Variants in ACSS1 observed in about 807,000 individuals in gnomAD.
ACSS1 encodes acyl-CoA synthetase short chain family member 1.
Under a neutral mutation model 75.3 loss-of-function variants are expected in ACSS1, and 42 were observed. The observed-to-expected ratio is 0.56, with a 90% CI of 0.44 to 0.72. ACSS1 has a LOEUF of 0.72. Ranked by LOEUF, ACSS1 falls within the 30% of genes least tolerant of loss-of-function variation. The pLI, the probability that ACSS1 is intolerant of heterozygous loss-of-function variation, is 0.00. For synonymous variants in ACSS1, 380 were observed against 376.8 expected, an observed-to-expected ratio of 1.01 and a Z score of -0.10; for missense variants, 782 against 935.7, an observed-to-expected ratio of 0.84 and a Z score of 2.14.
intron 2 of ACSS1, chr20:25,046,741 G>A: frequency 1.3e-6 from 1 of 771,098 alleles, no homozygotes; most frequent in Non-Finnish European, 2.4e-6. Context: ...AGCAGCTTGG[G>A]TCTTCAGAGC....
At position 25,007,510 on chromosome 20, in the gene ACSS1, G is replaced by A; in HGVS notation, c.*252C>T. Reference sequence around the variant, plus strand: ...AGATGGCAATGCCTTTTCATTCCAGGAAACCAAACTCAGATGGCAGAACCA... The same window carrying A: ...AGATGGCAATGCCTTTTCATTCCAGAAAACCAAACTCAGATGGCAGAACCA... On this transcript the variant is annotated 3_prime_UTR_variant, in exon 14 of 14. Coordinates refer to ENST00000323482, the MANE Select transcript of ACSS1 (RefSeq NM_032501.4). The A allele has an allele frequency of 7.6e-7, 1 of 1,316,584 alleles. No individual in the cohort carries two copies. Among genetic ancestry groups the A allele is most frequent in the Non-Finnish European group, 9.7e-7 (1 of 1,032,232 alleles). 81.6% of individuals were successfully genotyped at this position (1,316,584 alleles called of 1,614,324 possible).
At chr20:25,018,697 G>T (rs528513339) in intron 7 of ACSS1, among the ~76,000 whole-genome samples, 2 of 152,260 alleles carry the variant, frequency 1.3e-5, no homozygotes, top group South Asian at 4.1e-4. Flanking sequence ...GAAGATAAAG[G>T]CATTTAATAC....
At chr20:25,023,334 G>C in intron 4 of ACSS1, 132 bp downstream of exon 4, 1 of 1,172,908 alleles carries the variant, frequency 8.5e-7, no homozygotes, top group East Asian at 2.6e-5. Context: ...CAGGACTCAA[G>C]CTCACCAAAT....
At position 25,051,117 on chromosome 20, in the gene ACSS1, G is replaced by A. The variant is rs2122763351; in HGVS notation, c.335-2936C>T. ...CAGGCCTTTGCTGTGGCTTCTCCCT[G>A]CCTGGGGCACTGTGCCCTCCTCACA... On this transcript the variant is annotated intron_variant, in intron 1 of 13. Transcript: ENST00000323482. 2.0e-5 allele frequency among the ~76,000 whole-genome samples: 3 copies of A among 152,300 alleles called. No individual in the cohort carries two copies. The South Asian group carries it at 6.2e-4, about 32-fold the overall frequency.
At chr20:25,008,573 G>A (rs778891690) in intron 13 of ACSS1, among the ~76,000 whole-genome samples, 15 of 152,140 alleles carry the variant, frequency 9.9e-5, no homozygotes, top group Admixed American at 9.2e-4. Context: ...TGGCCCTGCC[G>A]CCTCTGAGGG....
Position 25,006,964 on chromosome 20 carries a change from A to G in ACSS1, c.*798T>C, listed in dbSNP as rs2088320252. ...TCAAGAGGCATCTGGGGGCACAAAA[A>G]TCTTTCTGGATCACAGCTTGAAGAA... On this transcript the variant is annotated 3_prime_UTR_variant, in exon 14 of 14. Transcript: ENST00000323482. 1 of 1,535,208 alleles carries G rather than the reference A, an allele frequency of 6.5e-7. No homozygotes were observed. Among genetic ancestry groups the G allele is most frequent in the East Asian group, 2.4e-5 (1 of 40,910 alleles).
In ACSS1 at chr20:25,057,757, A is replaced by T; in HGVS notation, c.334+12T>A. 6.5e-7 allele frequency: 1 copy of T among 1,547,228 alleles called. No individual in the cohort carries two copies. Among genetic ancestry groups the T allele is most frequent in the East Asian group, 2.5e-5 (1 of 40,728 alleles). On this transcript the variant is annotated intron_variant, in intron 1 of 13. Coordinates refer to ENST00000323482, the MANE Select transcript of ACSS1 (RefSeq NM_032501.4). ...AGTTGGGGGCGTCCTGGGTCTCCCGAAGCCCACTCACCAGAGACATTTAAC... is the reference window on the plus strand; with the variant it reads ...AGTTGGGGGCGTCCTGGGTCTCCCGTAGCCCACTCACCAGAGACATTTAAC...
chr20:25,036,392 C>G (rs2088907995), intron 2 of ACSS1, among the ~76,000 whole-genome samples: 1 of 152,172 alleles, frequency 6.6e-6, no homozygotes, highest in Admixed American at 6.5e-5. Flanking sequence ...GTGACCAACA[C>G]GATAACTGCC....
At chr20:25,032,641 C>G in intron 2 of ACSS1, 2 of 1,225,682 alleles carry the variant, frequency 1.6e-6, no homozygotes, top group Non-Finnish European at 2.0e-6. Context: ...TCCTCGGGCT[C>G]TCAAGGCCGC....
In ACSS1 at chr20:25,021,295, G is replaced by A. The variant is rs555005672; in HGVS notation, c.1108+94C>T. 4.1e-5 allele frequency: 60 copies of A among 1,476,496 alleles called. No homozygotes were observed. The African/African-American group carries it at 5.3e-4, about 13-fold the overall frequency. 91.5% of individuals were successfully genotyped at this position (1,476,496 alleles called of 1,614,324 possible). On this transcript the variant is annotated intron_variant, in intron 6 of 13. Transcript: ENST00000323482. ...GCCACACCCTCACCAGAACCCAGGC[G>A]TCCCCCTTCCATGAACCTCTCCACA...
intron 9 of ACSS1, 78 bp from the exon 10 acceptor site, chr20:25,013,740 T>G: frequency 6.6e-7 from 1 of 1,524,082 alleles, no homozygotes; most frequent in Non-Finnish European, 8.8e-7. Flanking sequence ...AGCCCTGCCC[T>G]CAAGGGAGCT....
At chr20:25,049,544 AAAAGTGACC>A (rs1282601704) in intron 1 of ACSS1, among the ~76,000 whole-genome samples, 4 of 152,214 alleles carry the variant, frequency 2.6e-5, no homozygotes, top group Non-Finnish European at 5.9e-5. Context: ...AGAAACATGC[AAAAGTGACC>A]AAACACACAA....
chr20:25,043,494 C>T (rs560849617), intron 2 of ACSS1, among the ~76,000 whole-genome samples: 13 of 152,342 alleles, frequency 8.5e-5, no homozygotes, highest in African/African-American at 2.9e-4. Context: ...CTCACAGATT[C>T]GCAGTAAAGC....
At chr20:25,037,660 A>G (rs1173327577) in intron 2 of ACSS1, among the ~76,000 whole-genome samples, 1 of 152,246 alleles carries the variant, frequency 6.6e-6, no homozygotes, top group Non-Finnish European at 1.5e-5. Context: ...TTTCTTCAGC[A>G]TGCTGTGTCA....
chr20:25,008,966 C>T (rs1338198507), intron 13 of ACSS1, among the ~76,000 whole-genome samples: 1 of 152,132 alleles, frequency 6.6e-6, no homozygotes, highest in African/African-American at 2.4e-5. Flanking sequence ...CCTAGGTGGC[C>T]TCCCAGACAT....
intron 1 of ACSS1, among the ~76,000 whole-genome samples, chr20:25,055,139 C>T (rs1022914980): frequency 2.1e-4 from 32 of 152,364 alleles, no homozygotes; most frequent in African/African-American, 7.2e-4. Context: ...GGTCTTTAAA[C>T]TAAATTTGTC....
intron 1 of ACSS1, among the ~76,000 whole-genome samples, chr20:25,057,540 G>A (rs1211309498): frequency 6.6e-6 from 1 of 152,172 alleles, no homozygotes; most frequent in African/African-American, 2.4e-5. Flanking sequence ...CCGGGTCCCC[G>A]CGGGCGCCGG....
chr20:25,039,980 C>T (rs113717836), intron 2 of ACSS1, among the ~76,000 whole-genome samples: 1 of 152,370 alleles, frequency 6.6e-6, no homozygotes, highest in African/African-American at 2.4e-5. Flanking sequence ...GGACTGGAGT[C>T]CTGGAAGCCA....
At position 25,023,098 on chromosome 20, in the gene ACSS1, A is replaced by C; in HGVS notation, c.808-6T>G. The C allele has an allele frequency of 6.2e-7, 1 of 1,609,764 alleles. No homozygotes were observed. Among genetic ancestry groups the C allele is most frequent in the Non-Finnish European group, 8.5e-7 (1 of 1,177,704 alleles). The stretch of plus-strand genomic sequence containing the variant: ...GGGTCCTCCTTGGCCATTTCCTGGC[A>C]GGGAGAAGAAACAAACAGCCCACCG... On this transcript the variant is annotated splice_region_variant and splice_polypyrimidine_tract_variant and intron_variant, in intron 4 of 13. Transcript: ENST00000323482.
Sources: gnomAD v4.1 joint callset for allele counts (sites outside exome capture counted in the v4.1 genomes callset) on GRCh38, gnomAD v4.1.1 for gene constraint, MANE v1.5 for transcripts, NCBI Gene and HGNC (gene_info 2026-07-23, HGNC 2026-07-21) for gene names.